The following SNX8 variants were observed in gnomAD, a reference collection of about 807,000 sequenced individuals.
SNX8 encodes the protein sorting nexin-8.
In SNX8, 25 loss-of-function variants were observed where a neutral mutation model predicts 51.6. The observed-to-expected ratio is 0.48, with a 90% CI of 0.35 to 0.68. The LOEUF (loss-of-function observed/expected upper bound fraction) is 0.68. Ranked by LOEUF, SNX8 falls within the 30% of genes least tolerant of loss-of-function variation. The pLI is 0.00. For synonymous variants in SNX8, 324 were observed against 277.0 expected (o/e 1.17, Z -1.68); for missense variants, 695 against 624.0 (o/e 1.11, Z -1.21).
At chr7:2,276,642 T>A (rs1314632029) in intron 2 of SNX8, among the ~76,000 whole-genome samples, 4 of 128,426 alleles carry the variant, frequency 3.1e-5, no homozygotes, top group African/African-American at 8.9e-5. Context: ...ATTTGTACTT[T>A]AAAAAAAAAA....
intron 7 of SNX8, among the ~76,000 whole-genome samples, chr7:2,258,067 G>A (rs1795238496): frequency 6.8e-6 from 1 of 147,396 alleles, no homozygotes; most frequent in Non-Finnish European, 1.5e-5. Context: ...CTGGAATGCA[G>A]TGGCACGATC....
rs201297693 is a variant in SNX8 at position 2,264,387 on chromosome 7, G to A, written c.693C>T (p.Ser231=). Residue 231 remains serine (S), a synonymous_variant, in exon 6 of 11, where the codon AGC becomes AGT. Transcript: ENST00000222990. ...SRELIRNIYN[S]FHKLRDRAER... is the part of the protein sequence containing the mutation. The stretch of plus-strand genomic sequence containing the variant: ...CGGCCCTGTCGCGAAGCTTGTGAAA[G>A]CTATTGTAGATGTTCCGGATCAGCT... 7 of 1,612,896 alleles carry A rather than the reference G, an allele frequency of 4.3e-6. No homozygotes were observed. The Admixed American group carries it at 1.0e-4, about 23-fold the overall frequency.
At chr7:2,327,408 T>A (rs1272950625) in intron 1 of SNX8, among the ~76,000 whole-genome samples, 4 of 150,758 alleles carry the variant, frequency 2.7e-5, no homozygotes, top group African/African-American at 9.8e-5. Flanking sequence ...CCTGGCTAAT[T>A]TTTTTATTTT....
intron 1 of SNX8, among the ~76,000 whole-genome samples, chr7:2,313,183 G>A (rs963125649): frequency 2.6e-5 from 4 of 151,920 alleles, no homozygotes; most frequent in Admixed American, 6.6e-5. Flanking sequence ...ACAAGCGTGA[G>A]CCACCGTGCC....
At chr7:2,318,943 G>A (rs1464856405), upstream of SNX8, among the ~76,000 whole-genome samples, 1 of 152,106 alleles carries the variant, frequency 6.6e-6, no homozygotes, top group Non-Finnish European at 1.5e-5. Flanking sequence ...AGGATGTCAA[G>A]GCTGTGGTGA....
chr7:2,340,782 G>A (rs953864183), intron 1 of SNX8, among the ~76,000 whole-genome samples: 1 of 145,508 alleles, frequency 6.9e-6, no homozygotes, highest in Non-Finnish European at 1.5e-5. Context: ...GCTTGAACCC[G>A]GAGGGCGGAG....
At chr7:2,341,482 A>G (rs537910859) in intron 1 of SNX8, among the ~76,000 whole-genome samples, 1 of 150,638 alleles carries the variant, frequency 6.6e-6, no homozygotes, top group African/African-American at 2.4e-5. Flanking sequence ...CTGGGCAACA[A>G]GAGCGAGACT....
intron 1 of SNX8, among the ~76,000 whole-genome samples, chr7:2,308,138 G>C (rs1437886175): frequency 6.6e-6 from 1 of 152,024 alleles, no homozygotes; most frequent in Non-Finnish European, 1.5e-5. Flanking sequence ...GTGTTGTCAA[G>C]TCTTATCACA....
intron 4 of SNX8, among the ~76,000 whole-genome samples, chr7:2,270,218 T>C (rs1196564327): frequency 1.5e-5 from 2 of 137,250 alleles, no homozygotes; most frequent in African/African-American, 5.5e-5. Context: ...ACCCAGGAGA[T>C]ACAAGGGGAA....
intron 1 of SNX8, among the ~76,000 whole-genome samples, chr7:2,331,741 A>G (rs1020376209): frequency 4.5e-5 from 6 of 133,690 alleles, no homozygotes; most frequent in African/African-American, 1.4e-4. Context: ...AATAAATACC[A>G]TAGCATTAAA....
At chr7:2,292,090 C>G (rs1262438363) in intron 1 of SNX8, among the ~76,000 whole-genome samples, 1 of 152,122 alleles carries the variant, frequency 6.6e-6, no homozygotes, top group Non-Finnish European at 1.5e-5. Context: ...ATGGTGAAAC[C>G]CTGTCTCTAC....
At chr7:2,278,450 C>A in intron 1 of SNX8, 145 bp from the exon 2 acceptor site, 1 of 579,950 alleles carries the variant, frequency 1.7e-6, no homozygotes, top group Non-Finnish European at 3.1e-6. Context: ...TCAAGACCAG[C>A]CTAGGTAATA....
At chr7:2,273,820 C>T (rs1303448341) in intron 3 of SNX8, among the ~76,000 whole-genome samples, 9 of 151,274 alleles carry the variant, frequency 5.9e-5, no homozygotes, top group Admixed American at 5.9e-4. Context: ...AGGAGAATGG[C>T]GTGAACCCGG....
intron 1 of SNX8, among the ~76,000 whole-genome samples, chr7:2,349,721 C>A (rs184801379): frequency 1.2e-4 from 19 of 152,238 alleles, no homozygotes; most frequent in Middle Eastern, 3.4e-3. Flanking sequence ...CAGGCGTGAG[C>A]CACCGCGCCT....
intron 1 of SNX8, among the ~76,000 whole-genome samples, chr7:2,349,700 T>C (rs950261566): frequency 6.6e-6 from 1 of 152,076 alleles, no homozygotes; most frequent in Non-Finnish European, 1.5e-5. Flanking sequence ...GCTCCCAAAG[T>C]GTTGGGATTA....
At chr7:2,258,207 G>T (rs142394387) in intron 7 of SNX8, among the ~76,000 whole-genome samples, 1 of 151,942 alleles carries the variant, frequency 6.6e-6, no homozygotes, top group Non-Finnish European at 1.5e-5. Context: ...TAGTAGAGAC[G>T]GGGTTTCACC....
At chr7:2,312,888 GTTTGT>G (rs887254262) in intron 1 of SNX8, among the ~76,000 whole-genome samples, 33 of 151,818 alleles carry the variant, frequency 2.2e-4, no homozygotes, top group Admixed American at 4.6e-4. Flanking sequence ...GTTTAGCCTC[GTTTGT>G]TTTGTTTTGT....
At chr7:2,313,027 A>AG (rs1181824717) in intron 1 of SNX8, among the ~76,000 whole-genome samples, 2 of 151,982 alleles carry the variant, frequency 1.3e-5, no homozygotes, top group African/African-American at 4.8e-5. Context: ...CCTCCCGAGT[A>AG]GCTGGGACTA....
chr7:2,279,399 C>T lies in SNX8; in HGVS notation c.95-1094G>A, dbSNP rs984989147. On this transcript the variant is annotated intron_variant, in intron 1 of 10. Coordinates refer to ENST00000222990, the MANE Select transcript of SNX8 (RefSeq NM_013321.4). Reference sequence around the variant, plus strand: ...ACACCCACTCATGCTACGGAGTCAACGCTGGACCCACTCACTCATGCTACA... The same window carrying T: ...ACACCCACTCATGCTACGGAGTCAATGCTGGACCCACTCACTCATGCTACA... 3.3e-5 allele frequency among the ~76,000 whole-genome samples: 5 copies of T among 152,114 alleles called. 1 individual carries two copies. The highest frequency in any genetic ancestry group is 7.2e-5 in the African/African-American group (3 of 41,412).
Sources: allele counts gnomAD v4.1 joint callset (sites outside exome capture counted in the v4.1 genomes callset), GRCh38; gene constraint gnomAD v4.1.1; transcripts MANE v1.5; gene names NCBI Gene and HGNC (gene_info 2026-07-23, HGNC 2026-07-21).